The following SLC18A1 variants were observed in gnomAD, a reference collection of about 807,000 sequenced individuals.
The protein encoded by SLC18A1 is chromaffin granule amine transporter.
A neutral mutation model predicts 53.7 loss-of-function variants in SLC18A1; 69 were observed. That is an observed-to-expected ratio of 1.28 (90% CI 1.06 to 1.57). SLC18A1 has a LOEUF of 1.57. Among genes scored for constraint, SLC18A1 ranks in the 40% most tolerant of loss-of-function variants. The pLI is 0.00. For missense variants in SLC18A1, 932 were observed against 668.1 expected (o/e 1.40, Z -4.35); for synonymous variants, 320 against 248.1 (o/e 1.29, Z -2.72).
intron 12 of SLC18A1, 150 bp from the exon 13 acceptor site, chr8:20,148,220 A>G: frequency 1.4e-6 from 1 of 728,636 alleles, no homozygotes; most frequent in South Asian, 1.8e-5. Context: ...TCTCATGGAA[A>G]AGAATCTATA....
chr8:20,148,253 A>G (rs1427533156), intron 12 of SLC18A1, among the ~76,000 whole-genome samples, 183 bp from the exon 13 acceptor site: 1 of 152,160 alleles, frequency 6.6e-6, no homozygotes, highest in Non-Finnish European at 1.5e-5. Context: ...GGATATGAAA[A>G]CTTGACCAGC....
chr8:20,152,403 G>A (rs960695938), intron 10 of SLC18A1, among the ~76,000 whole-genome samples: 1 of 152,204 alleles, frequency 6.6e-6, no homozygotes, highest in Non-Finnish European at 1.5e-5. Flanking sequence ...AGAGAAAAGT[G>A]ATGGTGCCTC....
intron 4 of SLC18A1, among the ~76,000 whole-genome samples, chr8:20,176,512 T>A (rs780104056): frequency 9.9e-5 from 15 of 152,220 alleles, no homozygotes; most frequent in Non-Finnish European, 1.6e-4. Flanking sequence ...TTGGTCATTC[T>A]ATTTAGGAAT....
intron 4 of SLC18A1, among the ~76,000 whole-genome samples, chr8:20,175,091 G>C (rs952858): frequency 0.78 from 119,375 of 152,190 alleles, 47,773 homozygotes; most frequent in African/African-American, 0.95. Flanking sequence ...GAGAGGCAGT[G>C]TGTTGAAGAT....
At chr8:20,175,608 CA>C (rs1799160018) in intron 4 of SLC18A1, 1 of 152,286 alleles carries the variant, frequency 6.6e-6, no homozygotes, top group African/African-American at 2.4e-5. Context: ...TGACTTCCCG[CA>C]ACACAAAACT....
chr8:20,148,687 C>T (rs2071469280), intron 12 of SLC18A1, among the ~76,000 whole-genome samples: 1 of 152,160 alleles, frequency 6.6e-6, no homozygotes, highest in African/African-American at 2.4e-5. Context: ...AGGTTCCTTA[C>T]CTCCCTCTCT....
At chr8:20,156,620 A>G (rs976637659) in intron 10 of SLC18A1, among the ~76,000 whole-genome samples, 6 of 152,200 alleles carry the variant, frequency 3.9e-5, no homozygotes, top group Non-Finnish European at 8.8e-5. Flanking sequence ...TACTTACAAA[A>G]CCAGTAAGCC....
rs746506124 is a variant in SLC18A1 at position 20,174,420 on chromosome 8, G to T, written c.572C>A (p.Thr191Asn). The change falls in exon 5 of 16, where the codon ACT (threonine) becomes AAT (asparagine). Residue 191 changes from threonine (T) to asparagine (N), a missense_variant. Transcript: ENST00000276373. Reference protein sequence around the residue: ...TVMFAFSGTYTLLFVARTLQG... With the variant: ...TVMFAFSGTYNLLFVARTLQG... ...AAGGGTTCGGGCCACAAAGAGTAGA[G>T]TATAGGTCCCAGAAAAAGCAAACAC... is the stretch of plus-strand genomic sequence containing the variant. 1.2e-6 allele frequency: 2 copies of T among 1,613,968 alleles called. No individual in the cohort carries two copies. Among genetic ancestry groups the T allele is most frequent in the Admixed American group, 3.3e-5 (2 of 60,012 alleles).
chr8:20,148,119 G>A (rs1381222263), intron 12 of SLC18A1, 49 bp from the exon 13 acceptor site: 1 of 1,544,486 alleles, frequency 6.5e-7, no homozygotes, highest in South Asian at 1.1e-5. Flanking sequence ...TGGGTCAGGT[G>A]GGAGCAAGGT....
chr8:20,174,333 T>G (rs748536065), intron 5 of SLC18A1, 28 bp downstream of exon 5: 1 of 1,490,330 alleles, frequency 6.7e-7, no homozygotes, highest in Non-Finnish European at 9.4e-7. Flanking sequence ...CCTGCATGTG[T>G]GTGTGCATGA....
chr8:20,173,512 C>T (rs1300504049), intron 5 of SLC18A1, among the ~76,000 whole-genome samples: 1 of 152,100 alleles, frequency 6.6e-6, no homozygotes, highest in Admixed American at 6.5e-5. Flanking sequence ...AACAGGGGTG[C>T]CCAGGGAAGA....
intron 4 of SLC18A1, among the ~76,000 whole-genome samples, chr8:20,177,108 T>C (rs1310935960): frequency 1.3e-5 from 2 of 152,226 alleles, no homozygotes; most frequent in South Asian, 2.1e-4. Flanking sequence ...TGGCATCTTA[T>C]TATTTTTAAA....
In SLC18A1 at chr8:20,145,127, T is replaced by C. The variant is rs965338074; in HGVS notation, c.*636A>G. The stretch of plus-strand genomic sequence containing the variant: ...GAAATGGGCTCCTGTTTCTGAAAGA[T>C]AATGAAAATAGAAGACACTTTTCAC... On this transcript the variant is annotated 3_prime_UTR_variant, in exon 16 of 16. Transcript: ENST00000276373. 6.6e-6 allele frequency: 1 copy of C among 151,828 alleles called. No individual in the cohort carries two copies. The highest frequency in any genetic ancestry group is 1.5e-5 in the Non-Finnish European group (1 of 67,966). The allele number at this position is 151,828 out of a possible 1,614,324, so 9.4% of individuals were successfully genotyped here. A position where few individuals can be genotyped will look rare whatever the true frequency, so the allele number is the denominator to read the frequency against.
At chr8:20,159,297 G>A (rs921765204) in intron 10 of SLC18A1, among the ~76,000 whole-genome samples, 1 of 152,108 alleles carries the variant, frequency 6.6e-6, no homozygotes, top group Non-Finnish European at 1.5e-5. Flanking sequence ...CCTGTTGAGA[G>A]GGGGTACTAA....
Position 20,179,211 on chromosome 8 carries a change from T to A in SLC18A1, c.398A>T (p.Glu133Val). The A allele has an allele frequency of 6.2e-7, 1 of 1,614,158 alleles. No homozygotes were observed. Residue 133 changes from glutamate to valine, a missense_variant, in exon 3 of 16, where the codon GAG becomes GTG. Physicochemically the swap from Glu to Val is moderately radical, Grantham distance 121 (BLOSUM62 -2). Coordinates refer to ENST00000276373, the MANE Select transcript of SLC18A1 (RefSeq NM_003053.4). ...AACCCCGACCCGGGTAATCTCTTCC[T>A]CCAAGAAACCTGTGCCTTGCAAGCA... Reference protein sequence around the residue: ...NNCLQGTGFLEEEITRVGVLF... With the variant: ...NNCLQGTGFLVEEITRVGVLF...
At chr8:20,149,583 T>TCC (rs145993183) in intron 12 of SLC18A1, 93 bp downstream of exon 12, 35,213 of 968,490 alleles carry the variant, frequency 0.036, 351 homozygotes, top group East Asian at 0.077. Context: ...TCTCTCTCTC[T>TCC]CTCTCCCTCT....
intron 12 of SLC18A1, 92 bp downstream of exon 12, chr8:20,149,584 C>G: frequency 7.1e-6 from 7 of 992,318 alleles, no homozygotes; most frequent in Non-Finnish European, 8.9e-6. Context: ...CTCTCTCTCT[C>G]TCTCCCTCTC....
At chr8:20,168,917 G>T (rs2072040943) in intron 8 of SLC18A1, among the ~76,000 whole-genome samples, 1 of 152,186 alleles carries the variant, frequency 6.6e-6, no homozygotes, top group African/African-American at 2.4e-5. Flanking sequence ...TTATAGTAAA[G>T]ATTGGGTCAG....
Position 20,170,935 on chromosome 8 carries a change from C to T in SLC18A1, c.858+168G>A, listed in dbSNP as rs758398801. On this transcript the variant is annotated intron_variant, in intron 8 of 15. Transcript: ENST00000276373. ...ACATCAAGCCAAATACGTCACTATC[C>T]CCCACACTACCTGAAACGTAACCCT... Among the ~76,000 whole-genome samples the T allele has an allele frequency of 1.0e-3, 158 of 152,270 alleles. 1 individual carries two copies. The highest frequency in any genetic ancestry group is 2.0e-3 in the Non-Finnish European group (135 of 68,026).
Sources: allele counts gnomAD v4.1 joint callset (sites outside exome capture counted in the v4.1 genomes callset), GRCh38; gene constraint gnomAD v4.1.1; transcripts MANE v1.5; gene names NCBI Gene and HGNC (gene_info 2026-07-23, HGNC 2026-07-21).